CNTN5: variants seen among roughly 807,000 people sequenced by gnomAD.
CNTN5 encodes the protein contactin-5.
A neutral mutation model predicts 129.1 loss-of-function variants in CNTN5; 77 were observed. The observed-to-expected ratio is 0.60, with a 90% CI of 0.50 to 0.72. CNTN5 has a LOEUF of 0.72. CNTN5 is among the 30% of genes least tolerant of loss of function. The pLI, the probability that CNTN5 is intolerant of heterozygous loss-of-function variation, is 0.00. For missense variants in CNTN5, 1,478 were observed against 1,328.8 expected, an observed-to-expected ratio of 1.11 and a Z score of -1.75; for synonymous variants, 509 against 465.6, an observed-to-expected ratio of 1.09 and a Z score of -1.20.
intron 9 of CNTN5, among the ~76,000 whole-genome samples, chr11:100,059,989 A>T (rs1157830941): frequency 1.3e-5 from 2 of 152,106 alleles, no homozygotes; most frequent in African/African-American, 4.8e-5. Flanking sequence ...CGGGCAGATC[A>T]CTTGAAGTCA....
At chr11:99,934,947 T>TATATATATAC (rs1219227683) in intron 7 of CNTN5, among the ~76,000 whole-genome samples, 1 of 79,122 alleles carries the variant, frequency 1.3e-5, no homozygotes, top group African/African-American at 6.1e-5. Context: ...TATATATATA[T>TATATATATAC]ACACACACAT....
intron 3 of CNTN5, among the ~76,000 whole-genome samples, chr11:99,652,626 T>A (rs1952199491): frequency 6.6e-6 from 1 of 152,074 alleles, no homozygotes; most frequent in Admixed American, 6.6e-5. Context: ...GTCTAACTTA[T>A]TTGGTGAAAA....
chr11:99,302,117 A>G (rs1335347996), intron 1 of CNTN5, among the ~76,000 whole-genome samples: 3 of 151,812 alleles, frequency 2.0e-5, no homozygotes, highest in African/African-American at 7.2e-5. Context: ...AAATTTCTAT[A>G]TTAAAAAAGA....
At chr11:99,873,845 GATAC>G (rs1948566586) in intron 6 of CNTN5, among the ~76,000 whole-genome samples, 1 of 152,020 alleles carries the variant, frequency 6.6e-6, no homozygotes, top group Non-Finnish European at 1.5e-5. Flanking sequence ...AAGCAAAGGT[GATAC>G]ATACATATCA....
chr11:99,328,873 A>G (rs1865890671), intron 2 of CNTN5, among the ~76,000 whole-genome samples: 1 of 79,832 alleles, frequency 1.3e-5, no homozygotes, highest in Non-Finnish European at 3.2e-5. Flanking sequence ...TCCATCTCAA[A>G]AAAAAAAAAA....
chr11:100,049,113 A>G (rs955410748), intron 9 of CNTN5, among the ~76,000 whole-genome samples: 5 of 152,152 alleles, frequency 3.3e-5, no homozygotes, highest in African/African-American at 1.2e-4. Flanking sequence ...TTAAAACTCC[A>G]CAAAAAAAGA....
intron 7 of CNTN5, among the ~76,000 whole-genome samples, chr11:99,920,913 T>G (rs538540450): frequency 4.6e-5 from 7 of 152,142 alleles, no homozygotes; most frequent in Non-Finnish European, 1.0e-4. Flanking sequence ...ATGGGGCTTT[T>G]TTTTAGTTTT....
intron 9 of CNTN5, among the ~76,000 whole-genome samples, chr11:100,046,875 A>G (rs898259745): frequency 4.6e-5 from 7 of 152,120 alleles, no homozygotes; most frequent in African/African-American, 1.7e-4. Context: ...AAAACAGTGA[A>G]GTTAACCATT....
chr11:99,840,636 G>GA (rs1271387950), intron 4 of CNTN5, among the ~76,000 whole-genome samples: 6 of 152,006 alleles, frequency 3.9e-5, no homozygotes, highest in East Asian at 1.9e-4. Context: ...TCTGATAGAG[G>GA]AAAAAAACAC....
chr11:99,470,543 G>A (rs1945130999), intron 2 of CNTN5, among the ~76,000 whole-genome samples: 1 of 151,712 alleles, frequency 6.6e-6, no homozygotes, highest in Admixed American at 6.6e-5. Context: ...TTCTATACTG[G>A]TTCATTTTTC....
At chr11:99,133,111 A>G (rs961695941) in intron 1 of CNTN5, among the ~76,000 whole-genome samples, 2 of 152,166 alleles carry the variant, frequency 1.3e-5, no homozygotes, top group African/African-American at 4.8e-5. Context: ...ACACACCTAC[A>G]ACGATCTGAT....
intron 1 of CNTN5, among the ~76,000 whole-genome samples, chr11:99,232,680 A>G (rs1861065141): frequency 6.6e-6 from 1 of 151,988 alleles, no homozygotes; most frequent in Non-Finnish European, 1.5e-5. Flanking sequence ...ATCTTAAACT[A>G]TTTTAAGTTA....
chr11:99,126,316 C>T (rs560299919), intron 1 of CNTN5, among the ~76,000 whole-genome samples: 40 of 152,186 alleles, frequency 2.6e-4, no homozygotes, highest in East Asian at 1.2e-3. Flanking sequence ...TAGTTCTATC[C>T]CCAAATCTCT....
At position 99,186,695 on chromosome 11, in the gene CNTN5, T is replaced by C. The variant is rs539410260; in HGVS notation, c.-209-138651T>C. 3.9e-5 allele frequency among the ~76,000 whole-genome samples: 6 copies of C among 152,042 alleles called. 1 individual carries two copies. The South Asian group carries it at 1.0e-3, about 26-fold the overall frequency. On this transcript the variant is annotated intron_variant, in intron 1 of 24. Transcript: ENST00000524871. ...TTCTCTAAGGAGATAACATTGACAA[T>C]GGGACAGATTCTTTTCTTAGAAAAG...
intron 8 of CNTN5, among the ~76,000 whole-genome samples, chr11:99,959,367 T>C (rs1950883501): frequency 6.6e-6 from 1 of 152,186 alleles, no homozygotes; most frequent in South Asian, 2.1e-4. Context: ...AAAAACTGTG[T>C]ACCTTATCAA....
At chr11:99,958,437 T>C (rs1167612995) in intron 8 of CNTN5, among the ~76,000 whole-genome samples, 13 of 152,164 alleles carry the variant, frequency 8.5e-5, no homozygotes, top group African/African-American at 2.9e-4. Context: ...GAGAAGTAGT[T>C]AAAAATGAGG....
chr11:100,030,494 G>C (rs997546450), intron 9 of CNTN5, among the ~76,000 whole-genome samples: 13 of 152,146 alleles, frequency 8.5e-5, no homozygotes, highest in African/African-American at 2.9e-4. Flanking sequence ...TTTACCACCT[G>C]ACCCCGTTAA....
intron 16 of CNTN5, 129 bp from the exon 17 acceptor site, chr11:100,255,631 T>C: frequency 2.6e-6 from 2 of 782,052 alleles, no homozygotes; most frequent in East Asian, 2.8e-5. Flanking sequence ...TGTTGTCAAT[T>C]TTAATTACTA....
intron 13 of CNTN5, among the ~76,000 whole-genome samples, chr11:100,092,179 T>C (rs1944814996): frequency 6.6e-6 from 1 of 152,150 alleles, no homozygotes; most frequent in African/African-American, 2.4e-5. Context: ...TTTAAGAATA[T>C]TAACTAAGCT....
Sources: gnomAD v4.1 joint callset for allele counts (sites outside exome capture counted in the v4.1 genomes callset) on GRCh38, gnomAD v4.1.1 for gene constraint, MANE v1.5 for transcripts, NCBI Gene and HGNC (gene_info 2026-07-23, HGNC 2026-07-21) for gene names.